Variants in MCPH1 observed in about 807,000 individuals in gnomAD.
MCPH1 encodes microcephalin 1.
MCPH1 carries 104 observed loss-of-function variants against 84.5 expected under a neutral mutation model. The ratio of observed to expected loss-of-function variants is 1.23; its 90% CI spans 1.05 to 1.45. MCPH1 has a LOEUF of 1.45. MCPH1 is among the 40% of genes most tolerant of loss of function. The pLI is 0.00. For missense variants in MCPH1, 1,498 were observed against 1,005.7 expected (o/e 1.49, Z -6.62); for synonymous variants, 514 against 366.8 (o/e 1.40, Z -4.58).
At chr8:6,583,599 G>C (rs1827736410) in intron 12 of MCPH1, among the ~76,000 whole-genome samples, 1 of 152,172 alleles carries the variant, frequency 6.6e-6, no homozygotes, top group Non-Finnish European at 1.5e-5. Context: ...CAGAGTTGTT[G>C]GAAAAGGACC....
At chr8:6,607,878 A>C (rs1301202069) in intron 12 of MCPH1, among the ~76,000 whole-genome samples, 1 of 152,220 alleles carries the variant, frequency 6.6e-6, no homozygotes, top group Non-Finnish European at 1.5e-5. Flanking sequence ...GGGTATGTCT[A>C]TATCAGCAGC....
intron 12 of MCPH1, among the ~76,000 whole-genome samples, chr8:6,546,044 G>A (rs997862148): frequency 2.0e-5 from 3 of 152,216 alleles, no homozygotes; most frequent in Non-Finnish European, 4.4e-5. Flanking sequence ...AACACACCCG[G>A]TGTGAGTCCC....
chr8:6,433,930 G>A (rs915663287), intron 4 of MCPH1, among the ~76,000 whole-genome samples: 10 of 151,978 alleles, frequency 6.6e-5, no homozygotes, highest in East Asian at 1.9e-4. Context: ...CATGCCAATC[G>A]TATTTCTATT....
intron 13 of MCPH1, among the ~76,000 whole-genome samples, chr8:6,622,931 C>G (rs1831617301): frequency 6.6e-6 from 1 of 152,020 alleles, no homozygotes; most frequent in Non-Finnish European, 1.5e-5. Flanking sequence ...GCCTCAGCCT[C>G]TCTGGCTGAA....
intron 12 of MCPH1, among the ~76,000 whole-genome samples, chr8:6,580,678 CA>C (rs202171226): frequency 6.6e-6 from 1 of 150,852 alleles, no homozygotes; most frequent in African/African-American, 2.4e-5. Context: ...CAAAACAAAA[CA>C]AAAAAAAACT....
At chr8:6,613,111 C>G (rs547862766) in intron 12 of MCPH1, among the ~76,000 whole-genome samples, 3 of 152,264 alleles carry the variant, frequency 2.0e-5, no homozygotes, top group African/African-American at 7.2e-5. Context: ...GCCTGGGGTT[C>G]TGAGGAAGGC....
intron 4 of MCPH1, among the ~76,000 whole-genome samples, chr8:6,434,075 G>A (rs1012133057): frequency 3.3e-5 from 5 of 152,220 alleles, no homozygotes; most frequent in African/African-American, 7.2e-5. Context: ...CCTGCCACCC[G>A]TTTATACCAG....
chr8:6,538,543 C>T (rs1167750197), intron 12 of MCPH1, among the ~76,000 whole-genome samples: 3 of 152,186 alleles, frequency 2.0e-5, no homozygotes, highest in Admixed American at 6.5e-5. Context: ...CAGACCTGGG[C>T]GCGCACTGTC....
intron 12 of MCPH1, among the ~76,000 whole-genome samples, chr8:6,618,170 G>A (rs1831044460): frequency 6.6e-6 from 1 of 152,228 alleles, no homozygotes; most frequent in African/African-American, 2.4e-5. Context: ...CAGAATTTGT[G>A]CGTTTGAGGC....
chr8:6,623,518 A>C (rs1831708010), intron 13 of MCPH1, among the ~76,000 whole-genome samples: 1 of 152,108 alleles, frequency 6.6e-6, no homozygotes, highest in Admixed American at 6.6e-5. Context: ...TTAATAGACA[A>C]GTAGATACTG....
At chr8:6,504,337 A>AAG (rs1812834495) in intron 12 of MCPH1, among the ~76,000 whole-genome samples, 1 of 149,670 alleles carries the variant, frequency 6.7e-6, no homozygotes, top group Non-Finnish European at 1.5e-5. Flanking sequence ...AAAAAAAAAA[A>AAG]GAATGTATAA....
rs77786834 is a variant in MCPH1 at position 6,516,957 on chromosome 8, G to A, written c.2214+17028G>A. 8.1e-3 allele frequency among the ~76,000 whole-genome samples: 1,238 copies of A among 152,306 alleles called. 8 individuals carry two copies. The highest frequency in any genetic ancestry group is 0.015 in the Non-Finnish European group (1,006 of 68,020). On this transcript the variant is annotated intron_variant, in intron 12 of 13. Transcript: ENST00000344683. ...GAGTATTCGCTTTGATTCCATTAGT[G>A]ATGATGATAAGGTTATTAGAACATT...
At position 6,519,783 on chromosome 8, in the gene MCPH1, G is replaced by A. The variant is rs1215921959; in HGVS notation, c.2214+19854G>A. 10 of 1,521,328 alleles carry A rather than the reference G, an allele frequency of 6.6e-6. No homozygotes were observed. The African/African-American group carries it at 6.8e-5, about 10-fold the overall frequency. The allele number at this position is 1,521,328 out of a possible 1,614,324, so 94.2% of individuals were successfully genotyped here. A position where few individuals can be genotyped will look rare whatever the true frequency, so the allele number is the denominator to read the frequency against. ...AGGCTGGGGAAGATCTTTGGGGAGAGACTTCTGCTCTCTGGTTCCTCACTC... is the reference window on the plus strand; with the variant it reads ...AGGCTGGGGAAGATCTTTGGGGAGAAACTTCTGCTCTCTGGTTCCTCACTC... On this transcript the variant is annotated intron_variant, in intron 12 of 13. Coordinates refer to ENST00000344683, the MANE Select transcript of MCPH1 (RefSeq NM_024596.5).
intron 12 of MCPH1, among the ~76,000 whole-genome samples, chr8:6,570,866 C>G (rs1039080186): frequency 3.0e-5 from 4 of 134,748 alleles, no homozygotes; most frequent in African/African-American, 1.1e-4. Context: ...ACAGTTTGTA[C>G]TACCGCAAAC....
In MCPH1 at chr8:6,616,476, T is replaced by C. The variant is rs1460817321; in HGVS notation, c.2215-4978T>C. The stretch of plus-strand genomic sequence containing the variant: ...CTTGGAGGTAAATAGATTCGGAGAG[T>C]GTGAGCTAAAACCCATTAAATCAGG... On this transcript the variant is annotated intron_variant, in intron 12 of 13. Transcript: ENST00000344683. 2.6e-5 allele frequency: 4 copies of C among 152,210 alleles called. No individual in the cohort carries two copies. In the East Asian group the frequency reaches 7.7e-4, roughly 29 times the overall value. 9.4% of individuals were successfully genotyped at this position (152,210 alleles called of 1,614,324 possible). A position where few individuals can be genotyped will look rare whatever the true frequency, so the allele number is the denominator to read the frequency against.
chr8:6,565,733 A>C (rs1041427872), intron 12 of MCPH1, among the ~76,000 whole-genome samples: 4 of 152,242 alleles, frequency 2.6e-5, no homozygotes, highest in Non-Finnish European at 5.9e-5. Flanking sequence ...GACCTAAAGA[A>C]GCTAATAGTG....
At chr8:6,421,800 C>T (rs911322221) in intron 3 of MCPH1, among the ~76,000 whole-genome samples, 3 of 152,068 alleles carry the variant, frequency 2.0e-5, no homozygotes, top group African/African-American at 2.4e-5. Context: ...ATGATGGTCC[C>T]CTTCCCTTCC....
At chr8:6,553,666 T>A (rs535446097) in intron 12 of MCPH1, among the ~76,000 whole-genome samples, 66 of 109,396 alleles carry the variant, frequency 6.0e-4, no homozygotes, top group African/African-American at 3.8e-3. Flanking sequence ...GGTCTCAAAA[T>A]TTTTTTTTTT....
intron 12 of MCPH1, among the ~76,000 whole-genome samples, chr8:6,573,889 C>T (rs1826858035): frequency 6.6e-6 from 1 of 152,186 alleles, no homozygotes; most frequent in Non-Finnish European, 1.5e-5. Context: ...CAGAAAAAAC[C>T]ACAATGAATT....
Sources: allele counts gnomAD v4.1 joint callset (sites outside exome capture counted in the v4.1 genomes callset), GRCh38; gene constraint gnomAD v4.1.1; transcripts MANE v1.5; gene names NCBI Gene and HGNC (gene_info 2026-07-23, HGNC 2026-07-21).